The following INSL6 variants were observed in gnomAD, a reference collection of about 807,000 sequenced individuals.
INSL6 encodes insulin-like peptide INSL6.
Under a neutral mutation model 9.4 loss-of-function variants are expected in INSL6, and 16 were observed. The ratio of observed to expected loss-of-function variants is 1.70; its 90% CI spans 1.15 to 2.59. INSL6 has a LOEUF of 2.59. Ranked by LOEUF, INSL6 falls within the 30% of genes most tolerant of loss-of-function variation. The pLI is 0.00. For missense variants in INSL6, 391 were observed against 257.3 expected (o/e 1.52, Z -3.56); for synonymous variants, 154 against 96.9 (o/e 1.59, Z -3.46).
the INSL6 span, chr9:5,112,261 C>T: frequency 7.7e-6 from 2 of 258,392 alleles, no homozygotes; most frequent in African/African-American, 2.3e-5. Context: ...CTGAGGACGG[C>T]CCTGCGGGCA....
chr9:5,050,474 T>C, the INSL6 span, among the ~76,000 whole-genome samples: 1 of 152,180 alleles, frequency 6.6e-6, no homozygotes, highest in Admixed American at 6.5e-5. Context: ...TCTTGCCATG[T>C]TGCCCAGGCT....
chr9:5,125,077 T>A (rs1234992087), intron 3 of INSL6, among the ~76,000 whole-genome samples: 1 of 151,258 alleles, frequency 6.6e-6, no homozygotes, highest in African/African-American at 2.4e-5. Flanking sequence ...CTCTTGGTCA[T>A]CATAGAATTT....
chr9:5,085,073 C>T, the INSL6 span: 1 of 683,878 alleles, frequency 1.5e-6, no homozygotes, highest in Admixed American at 1.8e-5. Context: ...TTACTGCTCT[C>T]TCTTATTGCT....
chr9:5,128,410 CCT>C (rs1824143046), intron 3 of INSL6, among the ~76,000 whole-genome samples: 1 of 151,658 alleles, frequency 6.6e-6, no homozygotes, highest in South Asian at 2.1e-4. Flanking sequence ...TGTAAAGACT[CCT>C]CAAGGATTTG....
At chr9:5,029,542 C>G in the INSL6 span, among the ~76,000 whole-genome samples, 1 of 151,734 alleles carries the variant, frequency 6.6e-6, no homozygotes, top group Non-Finnish European at 1.5e-5. Context: ...AAGAAAAAAA[C>G]CCCACAATAT....
chr9:5,164,057 A>G lies in INSL6; in HGVS notation c.498T>C (p.His166=), dbSNP rs748260820. 1.0e-4 allele frequency: 162 copies of G among 1,613,550 alleles called. 1 individual carries two copies. In the South Asian group the frequency reaches 1.7e-3, roughly 17 times the overall value. ...AATATCCTCTGCGTTTTCTTTGGGGATGATGCCCCCAAAACAAATTGCTTA... is the reference window on the plus strand; with the variant it reads ...AATATCCTCTGCGTTTTCTTTGGGGGTGATGCCCCCAAAACAAATTGCTTA... The part of the protein sequence containing the change: ...KTLSNLFWGH[H]PQRKRRGYSE... Residue 166 remains histidine, a synonymous_variant, in exon 2 of 2, where the codon CAT becomes CAC. Transcript: ENST00000381641.
At chr9:5,157,072 T>C (rs1012080476) in intron 2 of INSL6, among the ~76,000 whole-genome samples, 7 of 152,082 alleles carry the variant, frequency 4.6e-5, no homozygotes, top group African/African-American at 1.4e-4. Flanking sequence ...ATATGTATTA[T>C]AACTGTACAT....
chr9:5,116,790 G>A, the INSL6 span, among the ~76,000 whole-genome samples: 2 of 152,126 alleles, frequency 1.3e-5, no homozygotes, highest in Non-Finnish European at 2.9e-5. Flanking sequence ...TCAACTGACA[G>A]GTCCACTACC....
the INSL6 span, among the ~76,000 whole-genome samples, chr9:5,062,140 C>T: frequency 6.6e-6 from 1 of 151,902 alleles, no homozygotes; most frequent in Admixed American, 6.6e-5. Context: ...AATTTTTTTT[C>T]AGCCAAACAT....
At position 5,128,790 on chromosome 9, in the gene INSL6, G is replaced by C. The variant is rs550018550; in HGVS notation, c.*11-4279C>G. 4.6e-5 allele frequency among the ~76,000 whole-genome samples: 7 copies of C among 151,982 alleles called. No homozygotes were observed. The South Asian group carries it at 8.3e-4, about 18-fold the overall frequency. ...CACATAAAAATAAGATAACCCTGTA[G>C]TTATTAAGTTGGTTCTGTACAAGAA... On this transcript the variant is annotated intron_variant, in intron 3 of 3. Transcript: ENST00000649639.
chr9:5,020,392 A>G, the INSL6 span, among the ~76,000 whole-genome samples: 2 of 152,134 alleles, frequency 1.3e-5, no homozygotes, highest in African/African-American at 2.4e-5. Flanking sequence ...GCAGGGTGAG[A>G]GTATCCTCAG....
At chr9:5,047,203 A>G in the INSL6 span, among the ~76,000 whole-genome samples, 16 of 152,176 alleles carry the variant, frequency 1.1e-4, no homozygotes, top group Admixed American at 3.3e-4. Flanking sequence ...ATTTTATATT[A>G]TATGCATGTT....
At chr9:5,153,230 G>T (rs1279120674) in intron 2 of INSL6, among the ~76,000 whole-genome samples, 2 of 152,092 alleles carry the variant, frequency 1.3e-5, no homozygotes, top group Non-Finnish European at 2.9e-5. Flanking sequence ...AAGCCAGGGA[G>T]CCAAGTAGTC....
At chr9:5,055,899 T>A in the INSL6 span, 1 of 976,540 alleles carries the variant, frequency 1.0e-6, no homozygotes, top group Non-Finnish European at 1.5e-6. Flanking sequence ...GATTGTAGTT[T>A]TAAATATAAC....
chr9:5,114,087 C>T, the INSL6 span: 2 of 336,316 alleles, frequency 5.9e-6, no homozygotes, highest in East Asian at 7.4e-5. Context: ...CACCCAGAAG[C>T]GCTGGCTGCC....
At chr9:5,111,102 G>GA in the INSL6 span, 4 of 1,224,164 alleles carry the variant, frequency 3.3e-6, no homozygotes, top group African/African-American at 6.0e-5. Context: ...GCGGCGACCA[G>GA]AACAGCTCCT....
the INSL6 span, chr9:5,094,981 A>G: frequency 6.6e-6 from 1 of 152,118 alleles, no homozygotes; most frequent in Admixed American, 6.6e-5. Flanking sequence ...ATATATCTCA[A>G]TGCCTTTCCT....
intron 2 of INSL6, among the ~76,000 whole-genome samples, chr9:5,156,518 C>CTGT (rs1397981723): frequency 3.3e-5 from 5 of 151,932 alleles, no homozygotes; most frequent in African/African-American, 1.2e-4. Context: ...AAGCATTGGA[C>CTGT]AACATTCAAC....
chr9:5,008,075 G>A, the INSL6 span, among the ~76,000 whole-genome samples: 11 of 152,266 alleles, frequency 7.2e-5, no homozygotes, highest in South Asian at 1.5e-3. Flanking sequence ...AATAACATGA[G>A]TGGGTAATGG....
Sources: gnomAD v4.1 joint callset for allele counts (sites outside exome capture counted in the v4.1 genomes callset) on GRCh38, gnomAD v4.1.1 for gene constraint, MANE v1.5 for transcripts, NCBI Gene and HGNC (gene_info 2026-07-23, HGNC 2026-07-21) for gene names.